Variants in HDAC4 observed in about 807,000 individuals in gnomAD.
HDAC4 encodes the protein histone deacetylase A.
A neutral mutation model predicts 135.1 loss-of-function variants in HDAC4; 16 were observed. The ratio of observed to expected loss-of-function variants is 0.12; its 90% CI spans 0.08 to 0.18. The LOEUF (loss-of-function observed/expected upper bound fraction) is 0.18. Ranked by LOEUF, HDAC4 falls within the 10% of genes least tolerant of loss-of-function variation. The pLI is 1.00. For synonymous variants in HDAC4, 685 were observed against 653.4 expected (o/e 1.05, Z -0.74); for missense variants, 1,143 against 1,511.8 (o/e 0.76, Z 4.05).
chr2:239,247,714 C>T (rs756802446), intron 2 of HDAC4, among the ~76,000 whole-genome samples: 8 of 152,148 alleles, frequency 5.3e-5, no homozygotes, highest in African/African-American at 1.9e-4. Flanking sequence ...ATAAGTAGCT[C>T]ACGAAAAATG....
chr2:239,372,319 C>T (rs1309531453), intron 1 of HDAC4, among the ~76,000 whole-genome samples: 1 of 152,346 alleles, frequency 6.6e-6, no homozygotes, highest in Non-Finnish European at 1.5e-5. Flanking sequence ...GGGCCCTCCT[C>T]CTTACTCCTG....
intron 15 of HDAC4, among the ~76,000 whole-genome samples, chr2:239,107,792 A>T (rs2038287815): frequency 6.6e-6 from 1 of 152,072 alleles, no homozygotes; most frequent in South Asian, 2.1e-4. Context: ...GTGGGAGCGA[A>T]ACATCAGGAA....
chr2:239,179,646 C>T (rs2044012110), intron 4 of HDAC4, among the ~76,000 whole-genome samples: 1 of 152,230 alleles, frequency 6.6e-6, no homozygotes, highest in Non-Finnish European at 1.5e-5. Flanking sequence ...AAATGCGCAT[C>T]ACTTCAGAGC....
At chr2:239,254,426 A>C (rs564912570) in intron 2 of HDAC4, among the ~76,000 whole-genome samples, 1 of 152,282 alleles carries the variant, frequency 6.6e-6, no homozygotes, top group African/African-American at 2.4e-5. Context: ...CTAAAAAAAA[A>C]AAAAAGTTAA....
chr2:239,378,578 C>T (rs561926739), intron 1 of HDAC4, among the ~76,000 whole-genome samples: 65 of 152,238 alleles, frequency 4.3e-4, no homozygotes, highest in African/African-American at 1.4e-3. Flanking sequence ...GGGCTCCCCT[C>T]GCTCTCAGGA....
intron 2 of HDAC4, among the ~76,000 whole-genome samples, chr2:239,348,606 C>T (rs1219841251): frequency 6.6e-6 from 1 of 152,254 alleles, no homozygotes; most frequent in African/African-American, 2.4e-5. Flanking sequence ...TTTCCGTCCA[C>T]ACTCCCGGTT....
chr2:239,263,242 C>T (rs1304170385), intron 2 of HDAC4, among the ~76,000 whole-genome samples: 2 of 151,094 alleles, frequency 1.3e-5, no homozygotes, highest in South Asian at 2.1e-4. Flanking sequence ...GCACATCAGC[C>T]ATCCCGAAGC....
At chr2:239,099,611 T>A (rs1242185394) in intron 16 of HDAC4, among the ~76,000 whole-genome samples, 1 of 152,184 alleles carries the variant, frequency 6.6e-6, no homozygotes, top group African/African-American at 2.4e-5. Context: ...TCCACCCAGC[T>A]CCCGGACAGA....
At chr2:239,264,977 C>G (rs1054602567) in intron 2 of HDAC4, among the ~76,000 whole-genome samples, 2 of 152,216 alleles carry the variant, frequency 1.3e-5, no homozygotes, top group South Asian at 4.1e-4. Context: ...AAGATGGACT[C>G]TCCTGCCCCT....
intron 2 of HDAC4, among the ~76,000 whole-genome samples, chr2:239,294,489 A>G (rs996516305): frequency 2.0e-5 from 3 of 152,184 alleles, no homozygotes; most frequent in African/African-American, 7.2e-5. Context: ...TTCAGAAACT[A>G]AGTCCCCGTT....
intron 2 of HDAC4, among the ~76,000 whole-genome samples, chr2:239,311,016 A>G (rs2052849586): frequency 6.6e-6 from 1 of 152,206 alleles, no homozygotes; most frequent in African/African-American, 2.4e-5. Flanking sequence ...CCTTTTAAAC[A>G]TTCTGCTGAG....
Position 239,141,402 on chromosome 2 carries a change from G to A in HDAC4, c.866-1606C>T, listed in dbSNP as rs190222597. Among the ~76,000 whole-genome samples the A allele has an allele frequency of 3.9e-5, 6 of 152,212 alleles. No individual in the cohort carries two copies. The highest frequency in any genetic ancestry group is 7.4e-5 in the Non-Finnish European group (5 of 68,014). ...GAGCATGAATACAGGACTGGGTCCC[G>A]ACCCTACCCCATCCTCTTTCTTTCC... On this transcript the variant is annotated intron_variant, in intron 8 of 26. Transcript: ENST00000543185. The surrounding 1 kb of genome is among the most constrained non-coding windows in gnomAD (Gnocchi z 4.9).
At chr2:239,332,528 C>A (rs1691654516) in intron 2 of HDAC4, among the ~76,000 whole-genome samples, 1 of 151,240 alleles carries the variant, frequency 6.6e-6, no homozygotes, top group South Asian at 2.1e-4. Context: ...ATATTCTAAA[C>A]CAAATTATAA....
In HDAC4 at chr2:239,307,891, G is replaced by A. The variant is rs1559351325; in HGVS notation, c.22+44787C>T. On this transcript the variant is annotated intron_variant, in intron 2 of 26. Transcript: ENST00000543185. This position sits in a 1 kb window ranked among gnomAD's most constrained non-coding sequence, Gnocchi z 4.8. ...CTCCACGCACCCCGAGCCACATCAC[G>A]TTTTGCCACTATCTCAGAATTCCTG... Among the ~76,000 whole-genome samples the A allele has an allele frequency of 6.6e-6, 1 of 152,092 alleles. No individual in the cohort carries two copies. The highest frequency in any genetic ancestry group is 1.5e-5 in the Non-Finnish European group (1 of 68,032).
intron 2 of HDAC4, among the ~76,000 whole-genome samples, chr2:239,237,653 G>C (rs78799007): frequency 6.6e-6 from 1 of 151,932 alleles, no homozygotes; most frequent in African/African-American, 2.4e-5. Context: ...TGTCCTTGGA[G>C]ATGTTCAATA....
intron 4 of HDAC4, among the ~76,000 whole-genome samples, chr2:239,185,409 G>T (rs11681247): frequency 1.3e-4 from 19 of 150,798 alleles, no homozygotes; most frequent in Non-Finnish European, 1.0e-4. Flanking sequence ...CTGGGGAGAG[G>T]TGTACCCTAA....
At position 239,331,178 on chromosome 2, in the gene HDAC4, G is replaced by A. The variant is rs1691547888; in HGVS notation, c.22+21500C>T. Among the ~76,000 whole-genome samples the A allele has an allele frequency of 6.6e-6, 1 of 152,194 alleles. No individual in the cohort carries two copies. The highest frequency in any genetic ancestry group is 2.4e-5 in the African/African-American group (1 of 41,456). ...ATCGGAGCAAAGCGCGGCCAGCACTGTCGTGACATTGATGGCACGAAACTC... is the reference window on the plus strand; with the variant it reads ...ATCGGAGCAAAGCGCGGCCAGCACTATCGTGACATTGATGGCACGAAACTC... On this transcript the variant is annotated intron_variant, in intron 2 of 26. Transcript: ENST00000543185. The surrounding 1 kb of genome is among the most constrained non-coding windows in gnomAD (Gnocchi z 4.5).
chr2:239,108,631 A>G (rs1047454143), intron 14 of HDAC4, among the ~76,000 whole-genome samples: 2 of 152,192 alleles, frequency 1.3e-5, no homozygotes, highest in African/African-American at 4.8e-5. Flanking sequence ...TCCTGGACCA[A>G]TAGTAACTCC....
intron 22 of HDAC4, among the ~76,000 whole-genome samples, chr2:239,076,583 A>T (rs2034788753): frequency 6.6e-6 from 1 of 152,222 alleles, no homozygotes; most frequent in African/African-American, 2.4e-5. Context: ...AAGAGGCTGC[A>T]GTCCTGTGGC....
Sources: gnomAD v4.1 joint callset for allele counts (sites outside exome capture counted in the v4.1 genomes callset) on GRCh38, gnomAD v4.1.1 for gene constraint, Gnocchi (gnomAD v3.1) non-coding constraint, MANE v1.5 for transcripts, NCBI Gene and HGNC (gene_info 2026-07-23, HGNC 2026-07-21) for gene names.